NAV3: variants seen among roughly 807,000 people sequenced by gnomAD.
NAV3 encodes neuron navigator 3.
A neutral mutation model predicts 244.7 loss-of-function variants in NAV3; 87 were observed. That is an observed-to-expected ratio of 0.36 (90% CI 0.30 to 0.42). NAV3 has a LOEUF of 0.42. Among genes scored for constraint, NAV3 ranks in the 20% least tolerant of loss-of-function variants. The probability of loss-of-function intolerance (pLI) is 1.00; values close to 1 mark genes in which losing one functional copy is unlikely to be tolerated. For missense variants in NAV3, 2,663 were observed against 2,893.3 expected, an observed-to-expected ratio of 0.92 and a Z score of 1.83; for synonymous variants, 1,126 against 1,042.2, an observed-to-expected ratio of 1.08 and a Z score of -1.55.
intron 2 of NAV3, among the ~76,000 whole-genome samples, chr12:77,610,535 T>TA (rs1474940189): frequency 6.6e-6 from 1 of 152,072 alleles, no homozygotes; most frequent in Admixed American, 6.6e-5. Context: ...CATTTATAGA[T>TA]ACGTAGACAA....
At chr12:77,649,341 A>T (rs1872728498) in intron 2 of NAV3, among the ~76,000 whole-genome samples, 1 of 152,160 alleles carries the variant, frequency 6.6e-6, no homozygotes, top group South Asian at 2.1e-4. Flanking sequence ...GATTTTTAGT[A>T]ATAAGAGAGG....
At chr12:77,583,039 T>A (rs769369733) in intron 2 of NAV3, among the ~76,000 whole-genome samples, 2 of 152,236 alleles carry the variant, frequency 1.3e-5, no homozygotes, top group African/African-American at 2.4e-5. Context: ...GAGCTTCATT[T>A]ACAAACATTA....
At chr12:77,881,660 T>C (rs1168130510) in intron 1 of NAV3, among the ~76,000 whole-genome samples, 1 of 152,062 alleles carries the variant, frequency 6.6e-6, no homozygotes, top group African/African-American at 2.4e-5. Context: ...GACGATAAGA[T>C]TTTCTACCTA....
At chr12:77,867,753 A>G (rs1281690509) in intron 1 of NAV3, among the ~76,000 whole-genome samples, 1 of 152,164 alleles carries the variant, frequency 6.6e-6, no homozygotes, top group Non-Finnish European at 1.5e-5. Context: ...ATGAGAACAG[A>G]CTAATACAGT....
rs147065336 is a variant in NAV3 at position 77,808,771 on chromosome 12, C to G, written c.73-131548C>G. On this transcript the variant is annotated intron_variant, in intron 2 of 8. Transcript: ENST00000550042. ...ATGTTTAAGTCTGCTGAAGTTGTGCCCATAGCCCCCGCTTCCACCAGGTGC... is the reference window on the plus strand; with the variant it reads ...ATGTTTAAGTCTGCTGAAGTTGTGCGCATAGCCCCCGCTTCCACCAGGTGC... Among the ~76,000 whole-genome samples the G allele has an allele frequency of 2.2e-3, 342 of 152,274 alleles. 2 individuals are homozygous for G. Among genetic ancestry groups the G allele is most frequent in the African/African-American group, 7.9e-3 (327 of 41,542 alleles).
chr12:77,914,060 C>T (rs187137599), intron 1 of NAV3, among the ~76,000 whole-genome samples: 4 of 152,020 alleles, frequency 2.6e-5, no homozygotes, highest in Admixed American at 2.6e-4. Context: ...TTTAAGGAAG[C>T]CAAGTGGAGG....
intron 23 of NAV3, among the ~76,000 whole-genome samples, chr12:78,164,957 T>G (rs1415342064): frequency 6.6e-6 from 1 of 152,066 alleles, no homozygotes; most frequent in Non-Finnish European, 1.5e-5. Flanking sequence ...GTTAAGAAAC[T>G]GGGTTGGAAA....
At chr12:78,115,890 A>C (rs1955353629) in intron 12 of NAV3, among the ~76,000 whole-genome samples, 1 of 152,202 alleles carries the variant, frequency 6.6e-6, no homozygotes, top group African/African-American at 2.4e-5. Context: ...CTAATGATGC[A>C]TTTCTCAAAA....
At chr12:77,698,005 GA>G (rs1486525083) in intron 2 of NAV3, among the ~76,000 whole-genome samples, 2 of 152,118 alleles carry the variant, frequency 1.3e-5, no homozygotes, top group African/African-American at 2.4e-5. Context: ...GTTAGGTAAA[GA>G]ATTGAGAAGA....
At chr12:77,577,208 C>T (rs1869129094) in intron 2 of NAV3, among the ~76,000 whole-genome samples, 1 of 152,116 alleles carries the variant, frequency 6.6e-6, no homozygotes, top group African/African-American at 2.4e-5. Context: ...CTGCTTCATA[C>T]TTCTATAAGA....
intron 3 of NAV3, among the ~76,000 whole-genome samples, chr12:77,962,074 A>G (rs898848426): frequency 6.6e-6 from 1 of 151,942 alleles, no homozygotes; most frequent in African/African-American, 2.4e-5. Context: ...TGCTTAAAAT[A>G]CTTTCTTCAG....
chr12:77,906,683 T>C (rs1886012707), intron 1 of NAV3, among the ~76,000 whole-genome samples: 1 of 152,068 alleles, frequency 6.6e-6, no homozygotes, highest in South Asian at 2.1e-4. Flanking sequence ...TTTCTTGATC[T>C]CCCTTCCTTA....
intron 2 of NAV3, among the ~76,000 whole-genome samples, chr12:77,625,734 A>G (rs1871590166): frequency 6.6e-6 from 1 of 152,204 alleles, no homozygotes; most frequent in South Asian, 2.1e-4. Flanking sequence ...TATTGCACCC[A>G]TCCCTAATCA....
intron 2 of NAV3, among the ~76,000 whole-genome samples, chr12:77,728,407 T>A (rs762656988): frequency 2.0e-5 from 3 of 151,908 alleles, no homozygotes; most frequent in Non-Finnish European, 4.4e-5. Flanking sequence ...ACAGAAAGAA[T>A]AATTGGACTA....
In NAV3 at chr12:77,848,137, A is replaced by T. The variant is rs1261772876; in HGVS notation, c.243+16433A>T. ...AAGATGGCCTTCTAATGAACGTAGT[A>T]AAACTTCAGAGCACATTCTTTAGCC... On this transcript the variant is annotated intron_variant, in intron 1 of 39. Coordinates refer to ENST00000397909, the MANE Select transcript of NAV3 (RefSeq NM_001024383.2). 2.0e-5 allele frequency among the ~76,000 whole-genome samples: 3 copies of T among 152,346 alleles called. No homozygotes were observed. In the South Asian group the frequency reaches 6.2e-4, roughly 32 times the overall value.
At chr12:77,983,318 A>C (rs1192989218) in intron 5 of NAV3, among the ~76,000 whole-genome samples, 1 of 152,194 alleles carries the variant, frequency 6.6e-6, no homozygotes, top group Non-Finnish European at 1.5e-5. Context: ...CAGATCTGAA[A>C]GTTGGACTGG....
chr12:78,170,250 C>T (rs568186267), intron 24 of NAV3, among the ~76,000 whole-genome samples: 2 of 151,782 alleles, frequency 1.3e-5, no homozygotes, highest in African/African-American at 4.8e-5. Flanking sequence ...TGCTCTTTGC[C>T]TCAGTAGATA....
chr12:77,584,140 AT>A (rs1869493883), intron 2 of NAV3, among the ~76,000 whole-genome samples: 1 of 152,102 alleles, frequency 6.6e-6, no homozygotes, highest in South Asian at 2.1e-4. Context: ...GATTGTTTGT[AT>A]TTTTACTCAT....
intron 2 of NAV3, among the ~76,000 whole-genome samples, chr12:77,649,680 T>A (rs1872742612): frequency 6.6e-6 from 1 of 152,210 alleles, no homozygotes; most frequent in Non-Finnish European, 1.5e-5. Flanking sequence ...GATTTTGTAA[T>A]AATAGACTAA....
Sources: allele counts gnomAD v4.1 joint callset (sites outside exome capture counted in the v4.1 genomes callset), GRCh38; gene constraint gnomAD v4.1.1; transcripts MANE v1.5; gene names NCBI Gene and HGNC (gene_info 2026-07-23, HGNC 2026-07-21).